BACH2: variants seen among roughly 807,000 people sequenced by gnomAD.
BACH2 encodes the protein transcription regulator protein BACH2.
Under a neutral mutation model 61.8 loss-of-function variants are expected in BACH2, and 5 were observed. The observed-to-expected ratio is 0.08, with a 90% CI of 0.04 to 0.17. The LOEUF (loss-of-function observed/expected upper bound fraction) is 0.17, where lower values mean the gene tolerates loss of function less well. Among genes scored for constraint, BACH2 ranks in the 10% least tolerant of loss-of-function variants. The probability of loss-of-function intolerance (pLI) is 1.00; values close to 1 mark genes in which losing one functional copy is unlikely to be tolerated. For synonymous variants in BACH2, 446 were observed against 440.1 expected (o/e 1.01, Z -0.17); for missense variants, 824 against 1,091.1 (o/e 0.76, Z 3.45).
chr6:90,129,159 G>A (rs899816168), intron 4 of BACH2, among the ~76,000 whole-genome samples: 1 of 152,054 alleles, frequency 6.6e-6, no homozygotes, highest in Admixed American at 6.5e-5. Flanking sequence ...TATGGCACAT[G>A]TATACATATG....
chr6:90,197,105 T>C (rs1392046811), intron 4 of BACH2, among the ~76,000 whole-genome samples: 1 of 152,190 alleles, frequency 6.6e-6, no homozygotes, highest in Non-Finnish European at 1.5e-5. Context: ...TGTACATATA[T>C]TCAAAAGCAC....
intron 4 of BACH2, among the ~76,000 whole-genome samples, chr6:90,135,003 T>C (rs1420875484): frequency 2.0e-5 from 3 of 152,154 alleles, no homozygotes; most frequent in Non-Finnish European, 2.9e-5. Flanking sequence ...CTGAGATTTA[T>C]ACTCCTGGAA....
intron 7 of BACH2, among the ~76,000 whole-genome samples, chr6:89,945,700 A>G (rs568042254): frequency 3.9e-5 from 6 of 152,322 alleles, no homozygotes; most frequent in Admixed American, 2.0e-4. Context: ...GGATTTTATG[A>G]TATGGGAATT....
intron 4 of BACH2, among the ~76,000 whole-genome samples, chr6:90,112,579 G>A (rs1438446434): frequency 2.0e-5 from 3 of 152,194 alleles, no homozygotes; most frequent in African/African-American, 7.2e-5. Context: ...CACCAGACCT[G>A]CCTTACAAGA....
intron 5 of BACH2, among the ~76,000 whole-genome samples, chr6:90,009,516 G>A: frequency 6.6e-6 from 1 of 152,216 alleles, no homozygotes; most frequent in Middle Eastern, 3.2e-3. Flanking sequence ...ATGTGGAATT[G>A]TGCTGTCGTT....
At chr6:90,198,359 TC>T (rs1278830126) in intron 4 of BACH2, among the ~76,000 whole-genome samples, 3 of 152,154 alleles carry the variant, frequency 2.0e-5, no homozygotes, top group African/African-American at 7.2e-5. Flanking sequence ...CCGACTCTCC[TC>T]CGACCTCAGT....
intron 4 of BACH2, among the ~76,000 whole-genome samples, chr6:90,156,838 A>G (rs1287766968): frequency 3.9e-4 from 60 of 152,232 alleles, no homozygotes; most frequent in Admixed American, 3.9e-3. Context: ...TACATGCACC[A>G]AAACCCAAAA....
intron 7 of BACH2, among the ~76,000 whole-genome samples, chr6:89,939,441 AGTG>A (rs1773259505): frequency 6.6e-6 from 1 of 152,202 alleles, no homozygotes; most frequent in South Asian, 2.1e-4. Context: ...AGAGGTGTTA[AGTG>A]ATTACTATTG....
At chr6:90,046,093 T>C (rs1779765426) in intron 5 of BACH2, among the ~76,000 whole-genome samples, 2 of 152,192 alleles carry the variant, frequency 1.3e-5, no homozygotes, top group South Asian at 2.1e-4. Flanking sequence ...TCTTCCCCAG[T>C]GTCCCATCCA....
At chr6:89,979,539 A>G (rs1028927948) in intron 6 of BACH2, among the ~76,000 whole-genome samples, 1 of 152,150 alleles carries the variant, frequency 6.6e-6, no homozygotes, top group African/African-American at 2.4e-5. Flanking sequence ...TTTCCCATCT[A>G]CTGAAATTCT....
At chr6:89,966,898 A>ACC (rs1464384623) in intron 6 of BACH2, among the ~76,000 whole-genome samples, 1 of 152,038 alleles carries the variant, frequency 6.6e-6, no homozygotes, top group Non-Finnish European at 1.5e-5. Context: ...TAGGGGTCTC[A>ACC]CTCTGTTGCT....
chr6:90,213,667 G>A (rs1453417263), intron 3 of BACH2, among the ~76,000 whole-genome samples: 1 of 152,132 alleles, frequency 6.6e-6, no homozygotes, highest in Non-Finnish European at 1.5e-5. Context: ...TATCTCTGGA[G>A]ATTCTTTTGA....
intron 4 of BACH2, among the ~76,000 whole-genome samples, chr6:90,111,525 C>T (rs1783170289): frequency 6.6e-6 from 1 of 152,192 alleles, no homozygotes; most frequent in Admixed American, 6.5e-5. Flanking sequence ...TCCCCTTCTC[C>T]AGTCACTTGA....
intron 7 of BACH2, among the ~76,000 whole-genome samples, chr6:89,946,626 T>C (rs542391331): frequency 6.6e-6 from 1 of 152,212 alleles, no homozygotes; most frequent in South Asian, 2.1e-4. Flanking sequence ...AAACATGTCT[T>C]GGCCCTGTGT....
intron 4 of BACH2, among the ~76,000 whole-genome samples, chr6:90,162,093 AT>A: frequency 6.6e-6 from 1 of 152,192 alleles, no homozygotes; most frequent in South Asian, 2.1e-4. Context: ...CTTCTTCACG[AT>A]TTTTGGACAC....
intron 4 of BACH2, chr6:90,116,662 A>G (rs1031023891): frequency 1.7e-5 from 5 of 294,062 alleles, no homozygotes; most frequent in African/African-American, 8.9e-5. Flanking sequence ...TGCTACTTAA[A>G]AAAAGGTGAT....
chr6:90,295,799 C>T (rs1772340475), intron 1 of BACH2, among the ~76,000 whole-genome samples: 1 of 152,284 alleles, frequency 6.6e-6, no homozygotes, highest in South Asian at 2.1e-4. Flanking sequence ...CCCGATCTTT[C>T]GCTAGGAGAG....
intron 4 of BACH2, among the ~76,000 whole-genome samples, chr6:90,155,125 C>T (rs1784952923): frequency 6.6e-6 from 1 of 152,200 alleles, no homozygotes; most frequent in South Asian, 2.1e-4. Context: ...CAGCCCCAAA[C>T]AACCACCACC....
chr6:90,188,333 C>T (rs1768433556), intron 4 of BACH2, among the ~76,000 whole-genome samples: 1 of 152,060 alleles, frequency 6.6e-6, no homozygotes, highest in Non-Finnish European at 1.5e-5. Context: ...TGTGGGTTAA[C>T]TTATGGGAAT....
Sources: allele counts gnomAD v4.1 joint callset (sites outside exome capture counted in the v4.1 genomes callset), GRCh38; gene constraint gnomAD v4.1.1; transcripts MANE v1.5; gene names NCBI Gene and HGNC (gene_info 2026-07-23, HGNC 2026-07-21).